The following CNST variants were observed in gnomAD, a reference collection of about 807,000 sequenced individuals.
The protein encoded by CNST is consortin.
Under a neutral mutation model 72.4 loss-of-function variants are expected in CNST, and 39 were observed. That is an observed-to-expected ratio of 0.54 (90% CI 0.42 to 0.70). The LOEUF (loss-of-function observed/expected upper bound fraction) is 0.70, where lower values mean the gene tolerates loss of function less well. Among genes scored for constraint, CNST ranks in the 30% least tolerant of loss-of-function variants. CNST has a pLI of 0.00. For synonymous variants in CNST, 332 were observed against 320.1 expected, an observed-to-expected ratio of 1.04 and a Z score of -0.40; for missense variants, 871 against 868.5, an observed-to-expected ratio of 1.00 and a Z score of -0.04.
intron 1 of CNST, among the ~76,000 whole-genome samples, chr1:246,590,150 A>T (rs1661455082): frequency 6.6e-6 from 1 of 152,152 alleles, no homozygotes; most frequent in Non-Finnish European, 1.5e-5. Context: ...AAGCTCCCTG[A>T]AAAAGAAATC....
chr1:246,602,720 A>C (rs956643748), intron 2 of CNST, among the ~76,000 whole-genome samples: 5 of 152,200 alleles, frequency 3.3e-5, no homozygotes, highest in Non-Finnish European at 5.9e-5. Context: ...GGCCCATCTT[A>C]AAGGATGCCA....
intron 1 of CNST, among the ~76,000 whole-genome samples, chr1:246,586,117 G>A (rs1476828848): frequency 1.4e-5 from 2 of 142,682 alleles, no homozygotes; most frequent in African/African-American, 2.6e-5. Flanking sequence ...ATATATGTGT[G>A]TGTGTGTGTG....
At chr1:246,663,797 C>A (rs548595952) in intron 10 of CNST, among the ~76,000 whole-genome samples, 3 of 152,036 alleles carry the variant, frequency 2.0e-5, no homozygotes, top group African/African-American at 7.2e-5. Flanking sequence ...TTTTTTAATC[C>A]TATTTTGATG....
chr1:246,633,001 TG>T (rs1664873122), intron 4 of CNST, among the ~76,000 whole-genome samples: 1 of 152,198 alleles, frequency 6.6e-6, no homozygotes, highest in African/African-American at 2.4e-5. Flanking sequence ...CAGGATTCCA[TG>T]TGGTCCTGTT....
At chr1:246,654,321 A>G (rs1208802405) in intron 9 of CNST, among the ~76,000 whole-genome samples, 1 of 152,122 alleles carries the variant, frequency 6.6e-6, no homozygotes, top group Non-Finnish European at 1.5e-5. Context: ...CCACATACCT[A>G]TCTCTTCCCA....
intron 3 of CNST, among the ~76,000 whole-genome samples, chr1:246,623,843 C>T (rs913284955): frequency 4.1e-5 from 6 of 145,190 alleles, no homozygotes; most frequent in African/African-American, 1.0e-4. Context: ...AGGCAGATTG[C>T]TTGAGCCCAG....
intron 1 of CNST, among the ~76,000 whole-genome samples, chr1:246,578,051 A>G (rs1660542256): frequency 6.6e-6 from 1 of 151,990 alleles, no homozygotes; most frequent in African/African-American, 2.4e-5. Flanking sequence ...CCTTGGGTAA[A>G]AGGTAGTGAG....
intron 1 of CNST, among the ~76,000 whole-genome samples, chr1:246,574,263 G>C (rs745745328): frequency 2.6e-5 from 4 of 152,066 alleles, no homozygotes; most frequent in South Asian, 2.1e-4. Flanking sequence ...GGATGGTCTC[G>C]ATCTCCTTAC....
intron 1 of CNST, 181 bp downstream of exon 1, chr1:246,566,844 C>T: frequency 2.5e-6 from 1 of 395,136 alleles, no homozygotes; most frequent in Non-Finnish European, 4.5e-6. Flanking sequence ...GCCTGTTTTC[C>T]TCTCCTTTCT....
intron 1 of CNST, among the ~76,000 whole-genome samples, chr1:246,589,616 TTGGGTGTATACCCAGTAATGGGATGGC>T (rs1249474354): frequency 7.2e-5 from 11 of 152,228 alleles, no homozygotes; most frequent in Non-Finnish European, 1.3e-4. Context: ...TTATAATCCT[TTGGGTGTATACCCAGTAATGGGATGGC>T]TGGGTCAAAT....
At chr1:246,652,916 A>C (rs1207719787) in intron 9 of CNST, among the ~76,000 whole-genome samples, 1 of 148,604 alleles carries the variant, frequency 6.7e-6, no homozygotes, top group Non-Finnish European at 1.5e-5. Flanking sequence ...AGGCAGGAGA[A>C]TGGCGTGAAC....
chr1:246,656,058 A>G (rs1475830763), intron 9 of CNST, among the ~76,000 whole-genome samples: 1 of 152,240 alleles, frequency 6.6e-6, no homozygotes, highest in Non-Finnish European at 1.5e-5. Context: ...TTTGTCATAT[A>G]CTATAATAAT....
chr1:246,623,597 T>C (rs1184823618), intron 3 of CNST, among the ~76,000 whole-genome samples: 5 of 151,874 alleles, frequency 3.3e-5, no homozygotes, highest in Non-Finnish European at 7.4e-5. Context: ...TCTAAAAATA[T>C]ACACACACAA....
chr1:246,612,818 G>A (rs557390059), intron 2 of CNST, among the ~76,000 whole-genome samples: 2 of 152,188 alleles, frequency 1.3e-5, no homozygotes, highest in African/African-American at 4.8e-5. Context: ...TGGGGAGGTC[G>A]AGGCTGCAGT....
intron 2 of CNST, among the ~76,000 whole-genome samples, chr1:246,598,614 C>T (rs1662047549): frequency 6.6e-6 from 1 of 152,106 alleles, no homozygotes; most frequent in South Asian, 2.1e-4. Flanking sequence ...ATATTGACTT[C>T]GGCTATAGTA....
At chr1:246,590,126 G>T (rs527499784) in intron 1 of CNST, among the ~76,000 whole-genome samples, 53 of 152,238 alleles carry the variant, frequency 3.5e-4, no homozygotes, top group Admixed American at 5.9e-4. Flanking sequence ...TGGCAGACTT[G>T]CATCTTAAGA....
intron 2 of CNST, among the ~76,000 whole-genome samples, chr1:246,604,994 A>G (rs764537227): frequency 6.6e-6 from 1 of 152,200 alleles, no homozygotes; most frequent in Non-Finnish European, 1.5e-5. Context: ...ATTTAAATAC[A>G]TGCCTTTATA....
chr1:246,633,908 TA>T lies in CNST; in HGVS notation c.617-13del. The stretch of plus-strand genomic sequence containing the variant: ...AAATAGTGTGGATTTCTATTTTCCT[TA>T]AATGTTCTATTCAGATGAGAAAGCA... On this transcript the variant is annotated splice_polypyrimidine_tract_variant and intron_variant, in intron 4 of 10. Coordinates refer to ENST00000366513, the MANE Select transcript of CNST (RefSeq NM_152609.3). The T allele has an allele frequency of 6.5e-7, 1 of 1,542,590 alleles. No homozygotes were observed. The highest frequency in any genetic ancestry group is 9.0e-7 in the Non-Finnish European group (1 of 1,114,956).
chr1:246,632,790 T>C (rs753478769), intron 4 of CNST, among the ~76,000 whole-genome samples: 26 of 152,196 alleles, frequency 1.7e-4, no homozygotes, highest in African/African-American at 5.1e-4. Context: ...GGCAAGTTAA[T>C]TGAGTGTTTA....
Sources: gnomAD v4.1 joint callset for allele counts (sites outside exome capture counted in the v4.1 genomes callset) on GRCh38, gnomAD v4.1.1 for gene constraint, MANE v1.5 for transcripts, NCBI Gene and HGNC (gene_info 2026-07-23, HGNC 2026-07-21) for gene names.